The following INPP4B variants were observed in gnomAD, a reference collection of about 807,000 sequenced individuals.
The protein encoded by INPP4B is inositol polyphosphate 4-phosphatase type II.
Under a neutral mutation model 122.5 loss-of-function variants are expected in INPP4B, and 55 were observed. The observed-to-expected ratio is 0.45, with a 90% CI of 0.36 to 0.56. The LOEUF (loss-of-function observed/expected upper bound fraction) is 0.56, where lower values mean the gene tolerates loss of function less well. Ranked by LOEUF, INPP4B falls within the 20% of genes least tolerant of loss-of-function variation. The pLI is 0.00. For synonymous variants in INPP4B, 403 were observed against 388.7 expected (o/e 1.04, Z -0.43); for missense variants, 1,000 against 1,097.7 (o/e 0.91, Z 1.26).
intron 2 of INPP4B, among the ~76,000 whole-genome samples, chr4:142,725,128 G>A (rs2150857576): frequency 6.6e-6 from 1 of 152,042 alleles, no homozygotes; most frequent in East Asian, 1.9e-4. Context: ...TACACACATT[G>A]TTTATCTGCA....
chr4:142,651,547 C>T (rs879208544), intron 2 of INPP4B, among the ~76,000 whole-genome samples: 17 of 152,092 alleles, frequency 1.1e-4, no homozygotes, highest in South Asian at 2.1e-4. Flanking sequence ...ATATCACCAC[C>T]GATCCCACAG....
intron 3 of INPP4B, among the ~76,000 whole-genome samples, chr4:142,443,377 C>A (rs1021700239): frequency 2.0e-5 from 3 of 152,070 alleles, no homozygotes; most frequent in African/African-American, 7.2e-5. Flanking sequence ...AGTACAAAGA[C>A]CCACTTGGAT....
At chr4:142,728,784 G>A (rs1765675820) in intron 1 of INPP4B, among the ~76,000 whole-genome samples, 1 of 152,108 alleles carries the variant, frequency 6.6e-6, no homozygotes, top group Non-Finnish European at 1.5e-5. Flanking sequence ...CTGCCGACAT[G>A]TTGATTTTAG....
At chr4:142,471,734 A>G (rs1261205353) in intron 2 of INPP4B, among the ~76,000 whole-genome samples, 1 of 152,062 alleles carries the variant, frequency 6.6e-6, no homozygotes, top group Non-Finnish European at 1.5e-5. Context: ...GCTCGTGTGT[A>G]TTTAGCTGGG....
intron 2 of INPP4B, among the ~76,000 whole-genome samples, chr4:142,525,144 T>G (rs949652751): frequency 1.1e-4 from 16 of 150,702 alleles, no homozygotes; most frequent in Non-Finnish European, 1.8e-4. Context: ...CACAATTGCT[T>G]CAAAGAGAAT....
At chr4:142,529,938 T>C (rs917154239) in intron 2 of INPP4B, among the ~76,000 whole-genome samples, 1 of 152,098 alleles carries the variant, frequency 6.6e-6, no homozygotes, top group East Asian at 1.9e-4. Context: ...GCAAAGGTTA[T>C]AAAGCTATAT....
At chr4:142,101,277 G>A (rs1404419601) in intron 23 of INPP4B, among the ~76,000 whole-genome samples, 1 of 152,068 alleles carries the variant, frequency 6.6e-6, no homozygotes, top group Admixed American at 6.6e-5. Flanking sequence ...GTATTCAGAT[G>A]TACCCTTTTT....
At chr4:142,577,509 G>A (rs1734109709) in intron 2 of INPP4B, among the ~76,000 whole-genome samples, 1 of 152,016 alleles carries the variant, frequency 6.6e-6, no homozygotes, top group South Asian at 2.1e-4. Context: ...TAAATGGGAA[G>A]AGAAAGAAGA....
chr4:142,214,557 C>A (rs1170646744), intron 12 of INPP4B, among the ~76,000 whole-genome samples: 1 of 152,088 alleles, frequency 6.6e-6, no homozygotes, highest in Admixed American at 6.6e-5. Flanking sequence ...CACGTCAATT[C>A]TTTTTTCTTT....
intron 3 of INPP4B, among the ~76,000 whole-genome samples, chr4:142,453,932 G>A (rs1212656465): frequency 1.3e-5 from 2 of 152,112 alleles, no homozygotes; most frequent in East Asian, 1.9e-4. Context: ...CAACTCATGG[G>A]ACTAGAGGAA....
intron 7 of INPP4B, among the ~76,000 whole-genome samples, chr4:142,360,583 T>G (rs557674685): frequency 1.5e-4 from 23 of 152,018 alleles, no homozygotes; most frequent in Non-Finnish European, 3.4e-4. Context: ...AGTGCTAAAA[T>G]CCCTCTCTAG....
chr4:142,253,507 C>A (rs36138848), intron 11 of INPP4B, among the ~76,000 whole-genome samples: 22 of 151,916 alleles, frequency 1.4e-4, no homozygotes, highest in Admixed American at 2.6e-4. Context: ...GCACCATGTG[C>A]GAGCCGAAGC....
intron 18 of INPP4B, among the ~76,000 whole-genome samples, chr4:142,141,258 G>A (rs1329562024): frequency 1.3e-5 from 2 of 152,168 alleles, no homozygotes; most frequent in African/African-American, 2.4e-5. Context: ...AACTGAAGAT[G>A]TGCCTCATAG....
intron 7 of INPP4B, among the ~76,000 whole-genome samples, chr4:142,386,728 A>G (rs367623838): frequency 6.6e-6 from 1 of 152,150 alleles, no homozygotes; most frequent in Non-Finnish European, 1.5e-5. Context: ...CTCCACTGGC[A>G]TCTCTCTAAA....
At position 142,182,709 on chromosome 4, in the gene INPP4B, T is replaced by G. The variant is rs1831446554; in HGVS notation, c.1182-8900A>C. On this transcript the variant is annotated intron_variant, in intron 15 of 25. Coordinates refer to ENST00000262992, the MANE Select transcript of INPP4B (RefSeq NM_001101669.3). ...GAATGGCTTATTTCCTGTATCCCCT[T>G]TCTCAGCTGTCTTGGCATTTACCCG... is the stretch of plus-strand genomic sequence containing the variant. Among the ~76,000 whole-genome samples, 3 of 152,120 alleles carry G rather than the reference T, an allele frequency of 2.0e-5. No individual in the cohort carries two copies. The South Asian group carries it at 6.2e-4, about 31-fold the overall frequency.
chr4:142,425,818 T>C (rs540522963), intron 5 of INPP4B, among the ~76,000 whole-genome samples: 2 of 152,126 alleles, frequency 1.3e-5, no homozygotes, highest in South Asian at 2.1e-4. Context: ...TCTCCCAATA[T>C]AATTTAGATG....
chr4:142,506,646 A>G (rs944673134), intron 2 of INPP4B, among the ~76,000 whole-genome samples: 2 of 152,202 alleles, frequency 1.3e-5, no homozygotes, highest in Middle Eastern at 3.2e-3. Context: ...AAGTGGAGGA[A>G]GAGTGAAAAA....
intron 3 of INPP4B, among the ~76,000 whole-genome samples, chr4:142,453,722 A>G (rs1814798084): frequency 1.3e-5 from 2 of 152,286 alleles, no homozygotes; most frequent in African/African-American, 4.8e-5. Context: ...TTACTCTTCA[A>G]TATATACACA....
intron 2 of INPP4B, among the ~76,000 whole-genome samples, chr4:142,537,429 TAGAGAG>T (rs1157643466): frequency 0.026 from 659 of 25,382 alleles, 13 homozygotes; most frequent in African/African-American, 0.039. Flanking sequence ...TATATATATA[TAGAGAG>T]AGAGAGAGAG....
Sources: allele counts gnomAD v4.1 joint callset (sites outside exome capture counted in the v4.1 genomes callset), GRCh38; gene constraint gnomAD v4.1.1; transcripts MANE v1.5; gene names NCBI Gene and HGNC (gene_info 2026-07-23, HGNC 2026-07-21).